NTM: variants seen among roughly 807,000 people sequenced by gnomAD.
The protein encoded by NTM is IgLON family member 2.
NTM carries 13 observed loss-of-function variants against 42.1 expected under a neutral mutation model. The observed-to-expected ratio is 0.31, with a 90% CI of 0.20 to 0.49. NTM has a LOEUF of 0.49. NTM is among the 20% of genes least tolerant of loss of function. The pLI is 0.99. For synonymous variants in NTM, 187 were observed against 179.2 expected, an observed-to-expected ratio of 1.04 and a Z score of -0.35; for missense variants, 373 against 452.8, an observed-to-expected ratio of 0.82 and a Z score of 1.60.
intron 4 of NTM, among the ~76,000 whole-genome samples, chr11:132,234,189 T>A (rs947865728): frequency 1.3e-5 from 2 of 152,212 alleles, no homozygotes; most frequent in African/African-American, 4.8e-5. Context: ...TGCAGTTGGT[T>A]CTGGTTCTAT....
At chr11:132,216,999 A>G (rs1055883789) in intron 4 of NTM, among the ~76,000 whole-genome samples, 2 of 152,184 alleles carry the variant, frequency 1.3e-5, no homozygotes, top group Non-Finnish European at 2.9e-5. Flanking sequence ...TTCCTTTTGC[A>G]AGAAGAGAGG....
chr11:131,885,625 G>A (rs2050267274), intron 1 of NTM, among the ~76,000 whole-genome samples: 1 of 152,146 alleles, frequency 6.6e-6, no homozygotes, highest in East Asian at 1.9e-4. Context: ...ATACCCACCT[G>A]TCATCTCCCC....
intron 7 of NTM, 156 bp downstream of exon 7, chr11:132,314,859 GAGAGAGAGGGAC>G (rs2095383554): frequency 5.1e-6 from 7 of 1,384,498 alleles, no homozygotes; most frequent in Non-Finnish European, 6.5e-6. Context: ...GAAAGAAATG[GAGAGAGAGGGAC>G]AGAGAGACAG....
At chr11:131,897,672 A>G (rs1161591467) in intron 1 of NTM, among the ~76,000 whole-genome samples, 1 of 152,250 alleles carries the variant, frequency 6.6e-6, no homozygotes, top group Admixed American at 6.5e-5. Flanking sequence ...TCAAATTCCA[A>G]GTATTCTATT....
At chr11:131,726,810 C>T (rs377479241) in intron 1 of NTM, among the ~76,000 whole-genome samples, 2 of 150,576 alleles carry the variant, frequency 1.3e-5, no homozygotes, top group South Asian at 2.1e-4. Context: ...ACCTAATGGG[C>T]TCAAGTGATC....
At chr11:132,211,909 C>A in intron 3 of NTM, 113 bp from the exon 4 acceptor site, 1 of 919,608 alleles carries the variant, frequency 1.1e-6, no homozygotes, top group Non-Finnish European at 1.5e-6. Context: ...TTATCGTTAA[C>A]TTACTGTAGT....
chr11:131,735,811 C>T (rs992189598), intron 1 of NTM, among the ~76,000 whole-genome samples: 2 of 149,932 alleles, frequency 1.3e-5, no homozygotes, highest in African/African-American at 2.5e-5. Context: ...AAGCCTGTGC[C>T]GTTCCTTAGA....
chr11:132,319,289 C>T (rs1224662187), intron 7 of NTM, among the ~76,000 whole-genome samples: 1 of 152,174 alleles, frequency 6.6e-6, no homozygotes, highest in Non-Finnish European at 1.5e-5. Context: ...GTGGGTGCAG[C>T]TCACCGTGTG....
chr11:131,796,881 G>T (rs751965229), intron 1 of NTM, among the ~76,000 whole-genome samples: 6 of 152,336 alleles, frequency 3.9e-5, no homozygotes, highest in Non-Finnish European at 2.9e-5. Context: ...TAACAAGTCA[G>T]TGTAGGAGTT....
At chr11:131,468,165 G>C (rs1487875573) in intron 1 of NTM, among the ~76,000 whole-genome samples, 3 of 152,190 alleles carry the variant, frequency 2.0e-5, no homozygotes, top group Non-Finnish European at 2.9e-5. Flanking sequence ...CTCGCACTTT[G>C]CCTGCCCCCC....
At chr11:131,622,939 A>C (rs2062728378) in intron 1 of NTM, among the ~76,000 whole-genome samples, 1 of 152,162 alleles carries the variant, frequency 6.6e-6, no homozygotes, top group African/African-American at 2.4e-5. Flanking sequence ...GGTACACTAG[A>C]CTTCAAATTG....
intron 1 of NTM, among the ~76,000 whole-genome samples, chr11:131,553,954 T>G (rs2055048761): frequency 6.6e-6 from 1 of 152,234 alleles, no homozygotes. Context: ...ATGAACCTGT[T>G]ATTCCCTGGG....
At chr11:131,453,181 A>G (rs1169743568) in intron 1 of NTM, among the ~76,000 whole-genome samples, 1 of 152,166 alleles carries the variant, frequency 6.6e-6, no homozygotes, top group Non-Finnish European at 1.5e-5. Flanking sequence ...GCCCCCAACT[A>G]TCATAGGCAG....
chr11:131,953,982 T>C (rs960806882), intron 2 of NTM, among the ~76,000 whole-genome samples: 4 of 152,162 alleles, frequency 2.6e-5, no homozygotes, highest in Non-Finnish European at 5.9e-5. Context: ...TAATATCAAG[T>C]CCATCTGTAA....
intron 1 of NTM, among the ~76,000 whole-genome samples, chr11:131,576,927 A>ACAT: frequency 6.6e-6 from 1 of 152,248 alleles, no homozygotes; most frequent in Non-Finnish European, 1.5e-5. Flanking sequence ...AAATAAGTTA[A>ACAT]TCTTTGCAAA....
At chr11:131,995,294 C>T (rs2067789560) in intron 2 of NTM, among the ~76,000 whole-genome samples, 1 of 152,080 alleles carries the variant, frequency 6.6e-6, no homozygotes, top group African/African-American at 2.4e-5. Flanking sequence ...CACAGTGGTC[C>T]AGGTGCTAGG....
intron 2 of NTM, among the ~76,000 whole-genome samples, chr11:132,069,456 G>A (rs35631231): frequency 9.4e-5 from 10 of 106,932 alleles, no homozygotes; most frequent in East Asian, 2.3e-4. Context: ...AAGTTAACAC[G>A]TCAAACTGAC....
At chr11:132,269,632 A>T (rs2093382027) in intron 4 of NTM, among the ~76,000 whole-genome samples, 1 of 152,234 alleles carries the variant, frequency 6.6e-6, no homozygotes, top group African/African-American at 2.4e-5. Context: ...CCAGGATTGG[A>T]ATCAAGGTTT....
chr11:132,145,965 G>A (rs1398264554), intron 2 of NTM, among the ~76,000 whole-genome samples: 1 of 152,200 alleles, frequency 6.6e-6, no homozygotes, highest in East Asian at 1.9e-4. Context: ...AAATCCTTGA[G>A]CAAAGGGAGA....
Sources: gnomAD v4.1 joint callset for allele counts (sites outside exome capture counted in the v4.1 genomes callset) on GRCh38, gnomAD v4.1.1 for gene constraint, MANE v1.5 for transcripts, NCBI Gene and HGNC (gene_info 2026-07-23, HGNC 2026-07-21) for gene names.